POLR1C: variants seen among roughly 807,000 people sequenced by gnomAD.
POLR1C encodes the protein RNA polymerase I and III subunit C, also known as DNA-directed RNA polymerases I and III subunit RPAC1.
POLR1C carries 42 observed loss-of-function variants against 38.3 expected under a neutral mutation model. That is an observed-to-expected ratio of 1.10 (90% confidence interval 0.86 to 1.42). POLR1C has a LOEUF of 1.42. Among genes scored for constraint, POLR1C ranks in the 40% most tolerant of loss-of-function variants. The probability of loss-of-function intolerance (pLI) is 0.00; values close to 1 mark genes in which losing one functional copy is unlikely to be tolerated. For synonymous variants in POLR1C, 163 were observed against 163.9 expected, an observed-to-expected ratio of 0.99 and a Z score of 0.04; for missense variants, 507 against 450.5, an observed-to-expected ratio of 1.13 and a Z score of -1.14.
downstream of POLR1C, chr6:43,526,123 G>C: frequency 1.8e-6 from 1 of 563,946 alleles, no homozygotes; most frequent in Non-Finnish European, 3.1e-6. Context: ...CTGTACATGA[G>C]GGAAATGGGA....
intron 10 of POLR1C, chr6:43,555,766 C>A: frequency 6.3e-7 from 1 of 1,589,078 alleles, no homozygotes; most frequent in Non-Finnish European, 8.6e-7. Context: ...ATAGCTCAGG[C>A]TCATTTCCTA....
At chr6:43,517,228 G>C (rs151022745) in intron 1 of POLR1C, 50 bp downstream of exon 1, 1 of 1,609,682 alleles carries the variant, frequency 6.2e-7, no homozygotes, top group Non-Finnish European at 8.5e-7. Flanking sequence ...AGCGGAACAG[G>C]GATGGGTCTT....
chr6:43,552,089 A>G (rs1384935676), intron 10 of POLR1C, among the ~76,000 whole-genome samples: 2 of 152,120 alleles, frequency 1.3e-5, no homozygotes, highest in Admixed American at 6.5e-5. Context: ...CTTTATTTAT[A>G]TATCACTCTT....
chr6:43,525,911 C>G (rs746907635), downstream of POLR1C: 83 of 1,613,984 alleles, frequency 5.1e-5, no homozygotes, highest in Middle Eastern at 5.0e-4. Flanking sequence ...CTGTGGCCAT[C>G]ATTTCTTCAT....
At chr6:43,530,928 G>A, downstream of POLR1C, 3 of 1,384,378 alleles carry the variant, frequency 2.2e-6, no homozygotes, top group Non-Finnish European at 2.9e-6. Flanking sequence ...AGGTTTTTCA[G>A]CCAGAAGAGC....
At chr6:43,538,881 T>C (rs982282919) in intron 9 of POLR1C, 1 of 1,295,458 alleles carries the variant, frequency 7.7e-7, no homozygotes, top group Non-Finnish European at 1.1e-6. Flanking sequence ...GTGTGGGTCT[T>C]GACGAGGTGG....
chr6:43,553,245 A>C, intron 10 of POLR1C: 1 of 1,208,748 alleles, frequency 8.3e-7, no homozygotes, highest in Non-Finnish European at 1.1e-6. Context: ...GAGGTTACAG[A>C]GAGCTATGAT....
intron 10 of POLR1C, chr6:43,551,424 T>C (rs939182942): frequency 1.2e-6 from 2 of 1,613,944 alleles, no homozygotes; most frequent in Non-Finnish European, 1.7e-6. Flanking sequence ...CCATCTGCAA[T>C]AGCTCTATTC....
intron 9 of POLR1C, among the ~76,000 whole-genome samples, chr6:43,535,480 C>A (rs1277196016): frequency 6.6e-6 from 1 of 152,038 alleles, no homozygotes; most frequent in Non-Finnish European, 1.5e-5. Flanking sequence ...ATGGTAGCTA[C>A]AGGTTTAAGA....
chr6:43,553,546 C>A (rs1392760610), intron 10 of POLR1C: 4 of 1,530,038 alleles, frequency 2.6e-6, no homozygotes, highest in South Asian at 2.4e-5. Context: ...CACACACACA[C>A]ACAATTATCA....
At chr6:43,525,366 G>T, downstream of POLR1C, 1 of 697,206 alleles carries the variant, frequency 1.4e-6, no homozygotes, top group Non-Finnish European at 2.4e-6. Flanking sequence ...CTGAACTCCT[G>T]GGCTCAAGCT....
chr6:43,546,790 GAAAA>G, intron 9 of POLR1C: 2 of 1,174,046 alleles, frequency 1.7e-6, no homozygotes, highest in Non-Finnish European at 2.3e-6. Flanking sequence ...ATATTAAAAG[GAAAA>G]AAAAAAAAAG....
At chr6:43,526,245 A>G (rs1306183153), downstream of POLR1C, 1 of 398,968 alleles carries the variant, frequency 2.5e-6, no homozygotes, top group African/African-American at 2.0e-5. Context: ...GTATAGGACA[A>G]TAGGTCCCTT....
At chr6:43,530,677 T>A, downstream of POLR1C, 1 of 1,611,216 alleles carries the variant, frequency 6.2e-7, no homozygotes, top group East Asian at 2.2e-5. Context: ...TAGAGACTTT[T>A]GAAAGGATAT....
chr6:43,528,686 G>A, intron 8 of POLR1C: 1 of 756,030 alleles, frequency 1.3e-6, no homozygotes, highest in Non-Finnish European at 2.2e-6. Context: ...AGCAAGGATA[G>A]TCAGCTGGGG....
rs201455719 is a variant in POLR1C, at chr6:43,520,785, T to A, written c.805+11T>A. ...TGCAGGAAGTCCAAGGTATGGTATT[T>A]GGGATGCTGTTCAAGTTAGGACCTA... On this transcript the variant is annotated intron_variant, in intron 7 of 8. Transcript: ENST00000642195. The A allele has an allele frequency of 9.3e-6, 15 of 1,613,244 alleles. No homozygotes were observed. In the African/African-American group the frequency reaches 1.8e-4, roughly 19 times the overall value.
At chr6:43,538,864 G>C (rs1031315279) in intron 9 of POLR1C, 1 of 1,277,312 alleles carries the variant, frequency 7.8e-7, no homozygotes, top group African/African-American at 1.5e-5. Context: ...GCTGCACAGA[G>C]ACTCTGGTGT....
At chr6:43,517,462 T>C in intron 2 of POLR1C, 85 bp downstream of exon 2, 1 of 1,151,132 alleles carries the variant, frequency 8.7e-7, no homozygotes, top group Admixed American at 1.7e-5. Flanking sequence ...CAGAAGCTGC[T>C]CTTGGGGGTC....
At chr6:43,529,431 G>A (rs1383497600) in exon 9 of POLR1C, 1 of 336,024 alleles carries the variant, frequency 3.0e-6, no homozygotes, top group East Asian at 8.9e-5. Flanking sequence ...GCGAGCGCCT[G>A]TAGTCCCAGC....
Sources: gnomAD v4.1 joint callset for allele counts (sites outside exome capture counted in the v4.1 genomes callset) on GRCh38, gnomAD v4.1.1 for gene constraint, MANE v1.5 for transcripts, NCBI Gene and HGNC (gene_info 2026-07-23, HGNC 2026-07-21) for gene names.